KCNMA1: variants seen among roughly 807,000 people sequenced by gnomAD.
The protein encoded by KCNMA1 is potassium calcium-activated channel subfamily M alpha 1, also known as Calcium-activated potassium channel subunit alpha-1.
A neutral mutation model predicts 140.0 loss-of-function variants in KCNMA1; 29 were observed. The ratio of observed to expected loss-of-function variants is 0.21; its 90% CI spans 0.15 to 0.28. The LOEUF (loss-of-function observed/expected upper bound fraction) is 0.28, where lower values mean the gene tolerates loss of function less well. KCNMA1 is among the 10% of genes least tolerant of loss of function. The probability of loss-of-function intolerance (pLI) is 1.00; values close to 1 mark genes in which losing one functional copy is unlikely to be tolerated. For missense variants in KCNMA1, 880 were observed against 1,602.2 expected, an observed-to-expected ratio of 0.55 and a Z score of 7.70; for synonymous variants, 612 against 611.9, an observed-to-expected ratio of 1.00 and a Z score of 0.00.
intron 5 of KCNMA1, among the ~76,000 whole-genome samples, chr10:77,161,083 C>T (rs972034776): frequency 6.6e-6 from 1 of 152,214 alleles, no homozygotes; most frequent in South Asian, 2.1e-4. Context: ...TTGATAGAAA[C>T]ATTGTCTGTC....
chr10:77,156,227 T>TAAA (rs58950492), intron 5 of KCNMA1, among the ~76,000 whole-genome samples: 1 of 120,592 alleles, frequency 8.3e-6, no homozygotes, highest in Non-Finnish European at 1.7e-5. Context: ...GACTCCATCT[T>TAAA]AAAAAAAAAA....
At position 77,121,145 on chromosome 10, in the gene KCNMA1, G is replaced by C. The variant is rs527711467; in HGVS notation, c.809-97C>G. On this transcript the variant is annotated intron_variant, in intron 5 of 27. Coordinates refer to ENST00000286628, the MANE Select transcript of KCNMA1 (RefSeq NM_001161352.2). The stretch of plus-strand genomic sequence containing the variant: ...ATTTACAGTTCCCAAGGGTCGAAGG[G>C]ATGGGAAGTTCTTGCAGAAGATAAA... The C allele has an allele frequency of 4.5e-5, 36 of 791,228 alleles. No individual in the cohort carries two copies. In the South Asian group the frequency reaches 5.1e-4, roughly 11 times the overall value. 49.0% of individuals were successfully genotyped at this position (791,228 alleles called of 1,614,324 possible). A position where few individuals can be genotyped will look rare whatever the true frequency, so the allele number is the denominator to read the frequency against.
chr10:77,188,678 C>T (rs1008014171), intron 3 of KCNMA1, among the ~76,000 whole-genome samples: 1 of 152,182 alleles, frequency 6.6e-6, no homozygotes, highest in Non-Finnish European at 1.5e-5. Flanking sequence ...GAAAATGAGA[C>T]TCACCCAAAG....
chr10:77,562,625 A>C (rs2619640), intron 1 of KCNMA1, among the ~76,000 whole-genome samples: 110,165 of 152,066 alleles, frequency 0.72, 40,403 homozygotes, highest in South Asian at 0.86. Context: ...GCAATTCCCT[A>C]GGCCCAGCAT....
chr10:76,940,933 C>T (rs1050999668), intron 23 of KCNMA1, among the ~76,000 whole-genome samples: 3 of 146,574 alleles, frequency 2.0e-5, no homozygotes, highest in Non-Finnish European at 4.5e-5. Flanking sequence ...TGCATTCCAG[C>T]CTGGGCAACA....
chr10:77,345,395 C>A (rs1310969391), intron 2 of KCNMA1, among the ~76,000 whole-genome samples: 3 of 152,170 alleles, frequency 2.0e-5, no homozygotes, highest in African/African-American at 7.2e-5. Flanking sequence ...AATCTGAAAT[C>A]ATGGACTGAG....
At position 77,627,664 on chromosome 10, in the gene KCNMA1, T is replaced by C. The variant is rs184023989; in HGVS notation, c.378+9601A>G. On this transcript the variant is annotated intron_variant, in intron 1 of 27. Transcript: ENST00000286628. ...CACCCAGCTCTGTCCCTTCCTGAAC[T>C]GGATTTAGAATTTGAAATCTACCAT... is the stretch of plus-strand genomic sequence containing the variant. Among the ~76,000 whole-genome samples, 11 of 152,356 alleles carry C rather than the reference T, an allele frequency of 7.2e-5. No individual in the cohort carries two copies. The East Asian group carries it at 2.1e-3, about 29-fold the overall frequency.
At chr10:77,509,979 A>G (rs904531486) in intron 1 of KCNMA1, among the ~76,000 whole-genome samples, 1 of 152,060 alleles carries the variant, frequency 6.6e-6, no homozygotes, top group Non-Finnish European at 1.5e-5. Context: ...TCATAACCCA[A>G]TTAGCACAAT....
At chr10:77,392,337 C>G (rs2095866354) in intron 2 of KCNMA1, among the ~76,000 whole-genome samples, 2 of 151,912 alleles carry the variant, frequency 1.3e-5, no homozygotes, top group African/African-American at 4.8e-5. Flanking sequence ...GGGAGGGAAA[C>G]CAACTACTCA....
At chr10:77,383,362 G>A (rs2095492396) in intron 2 of KCNMA1, among the ~76,000 whole-genome samples, 1 of 151,694 alleles carries the variant, frequency 6.6e-6, no homozygotes, top group African/African-American at 2.4e-5. Context: ...TAGAAATGTG[G>A]GCCAGACTGC....
intron 5 of KCNMA1, among the ~76,000 whole-genome samples, chr10:77,152,645 G>T (rs1252198270): frequency 6.6e-6 from 1 of 152,140 alleles, no homozygotes; most frequent in African/African-American, 2.4e-5. Flanking sequence ...GTCACTGGTT[G>T]AGGAGGCATT....
At chr10:77,263,124 T>C (rs546380223) in intron 2 of KCNMA1, among the ~76,000 whole-genome samples, 87 of 152,300 alleles carry the variant, frequency 5.7e-4, no homozygotes, top group African/African-American at 1.9e-3. Flanking sequence ...CTCAATTCAA[T>C]GGCAGTGGGT....
chr10:77,053,157 C>A (rs899792897), intron 14 of KCNMA1, among the ~76,000 whole-genome samples: 4 of 151,116 alleles, frequency 2.6e-5, no homozygotes, highest in Admixed American at 6.6e-5. Flanking sequence ...GGCAAAGAGA[C>A]CCCTCCCTGT....
intron 1 of KCNMA1, among the ~76,000 whole-genome samples, chr10:77,606,919 A>G (rs535721551): frequency 2.6e-5 from 4 of 152,338 alleles, no homozygotes; most frequent in African/African-American, 9.6e-5. Flanking sequence ...CACCCTCTGC[A>G]GCCAGCCCTT....
At chr10:77,056,768 C>G (rs1266884113) in intron 14 of KCNMA1, among the ~76,000 whole-genome samples, 2 of 152,098 alleles carry the variant, frequency 1.3e-5, no homozygotes, top group East Asian at 3.9e-4. Context: ...TTAAAAAATA[C>G]AATAACTAAA....
chr10:77,553,323 T>C (rs1208460024), intron 1 of KCNMA1, among the ~76,000 whole-genome samples: 1 of 152,174 alleles, frequency 6.6e-6, no homozygotes, highest in Non-Finnish European at 1.5e-5. Context: ...TTGGAGCTCA[T>C]GGATAAATGA....
At chr10:77,018,360 T>C (rs988858661) in intron 17 of KCNMA1, among the ~76,000 whole-genome samples, 2 of 152,216 alleles carry the variant, frequency 1.3e-5, no homozygotes, top group Non-Finnish European at 2.9e-5. Context: ...GTTCATAAGA[T>C]AGAATCAAAT....
intron 2 of KCNMA1, among the ~76,000 whole-genome samples, chr10:77,382,865 C>CA (rs767673552): frequency 0.18 from 8,407 of 47,368 alleles, 1,444 homozygotes; most frequent in South Asian, 0.23. Flanking sequence ...AGCTCCGTCT[C>CA]AAAAAAAAAA....
intron 19 of KCNMA1, among the ~76,000 whole-genome samples, chr10:76,998,748 C>T (rs1372927245): frequency 1.3e-5 from 2 of 152,210 alleles, no homozygotes; most frequent in East Asian, 1.9e-4. Context: ...CCCAACTCCA[C>T]CACCAGCGAG....
Sources: allele counts gnomAD v4.1 joint callset (sites outside exome capture counted in the v4.1 genomes callset), GRCh38; gene constraint gnomAD v4.1.1; transcripts MANE v1.5; gene names NCBI Gene and HGNC (gene_info 2026-07-23, HGNC 2026-07-21).